The following CLSTN2 variants were observed in gnomAD, a reference collection of about 807,000 sequenced individuals.
The protein encoded by CLSTN2 is calsyntenin 2.
CLSTN2 carries 48 observed loss-of-function variants against 101.2 expected under a neutral mutation model. That is an observed-to-expected ratio of 0.47 (90% CI 0.38 to 0.60). The LOEUF (loss-of-function observed/expected upper bound fraction) is 0.60. Ranked by LOEUF, CLSTN2 falls within the 20% of genes least tolerant of loss-of-function variation. The pLI, the probability that CLSTN2 is intolerant of heterozygous loss-of-function variation, is 0.00. For missense variants in CLSTN2, 1,160 were observed against 1,238.2 expected (o/e 0.94, Z 0.95); for synonymous variants, 481 against 463.6 (o/e 1.04, Z -0.48).
intron 8 of CLSTN2, among the ~76,000 whole-genome samples, chr3:140,503,793 G>A (rs528672601): frequency 9.2e-5 from 14 of 152,152 alleles, no homozygotes; most frequent in Non-Finnish European, 2.1e-4. Context: ...TTCTTGATTC[G>A]GCTATAGCCC....
intron 10 of CLSTN2, among the ~76,000 whole-genome samples, chr3:140,551,717 C>T (rs1487382278): frequency 6.6e-6 from 1 of 151,794 alleles, no homozygotes; most frequent in Non-Finnish European, 1.5e-5. Flanking sequence ...ATCCTTTAAG[C>T]CCGAATCTCT....
At chr3:140,375,067 A>T (rs2087901897) in intron 2 of CLSTN2, among the ~76,000 whole-genome samples, 1 of 152,196 alleles carries the variant, frequency 6.6e-6, no homozygotes, top group Non-Finnish European at 1.5e-5. Flanking sequence ...AATGATATGT[A>T]TGGATGGACA....
At chr3:140,188,567 C>G (rs2010514286) in intron 2 of CLSTN2, among the ~76,000 whole-genome samples, 1 of 152,080 alleles carries the variant, frequency 6.6e-6, no homozygotes, top group Non-Finnish European at 1.5e-5. Flanking sequence ...CTTAAGGTAG[C>G]CCAGTGAAGG....
chr3:140,413,527 G>C (rs1423714185), intron 4 of CLSTN2, among the ~76,000 whole-genome samples: 1 of 151,986 alleles, frequency 6.6e-6, no homozygotes, highest in Non-Finnish European at 1.5e-5. Context: ...GAAGAGGAGG[G>C]AACACTTTCA....
At position 140,031,887 on chromosome 3, in the gene CLSTN2, T is replaced by C. The variant is rs73867278; in HGVS notation, c.109+96404T>C. Among the ~76,000 whole-genome samples the C allele has an allele frequency of 2.4e-3, 370 of 152,300 alleles. 3 individuals carry two copies. Among genetic ancestry groups the C allele is most frequent in the African/African-American group, 8.6e-3 (359 of 41,566 alleles). ...CCAGTGTCCTTCAGCCACTGCACAA[T>C]TGATGGTGTGATCTTGGGGAAGTCA... On this transcript the variant is annotated intron_variant, in intron 1 of 16. Transcript: ENST00000458420.
At chr3:140,015,589 A>T (rs1260585139) in intron 1 of CLSTN2, among the ~76,000 whole-genome samples, 1 of 152,234 alleles carries the variant, frequency 6.6e-6, no homozygotes, top group African/African-American at 2.4e-5. Context: ...TGAGAAACAG[A>T]AGAATGGGAT....
At chr3:140,443,864 A>G (rs1933018829) in intron 5 of CLSTN2, among the ~76,000 whole-genome samples, 2 of 152,212 alleles carry the variant, frequency 1.3e-5, no homozygotes, top group African/African-American at 4.8e-5. Flanking sequence ...AATGGAGGCT[A>G]TAAGATGACA....
At chr3:140,089,825 T>C (rs992483355) in intron 1 of CLSTN2, among the ~76,000 whole-genome samples, 5 of 151,704 alleles carry the variant, frequency 3.3e-5, no homozygotes, top group Non-Finnish European at 7.4e-5. Flanking sequence ...TTGCCCAGGC[T>C]AGTCTCAAAC....
chr3:140,014,607 G>A (rs2007157858), intron 1 of CLSTN2, among the ~76,000 whole-genome samples: 1 of 152,162 alleles, frequency 6.6e-6, no homozygotes, highest in Non-Finnish European at 1.5e-5. Context: ...GGCCAAGGGT[G>A]TGAGGGAAGG....
At chr3:140,100,305 C>A (rs937217997) in intron 1 of CLSTN2, among the ~76,000 whole-genome samples, 6 of 152,094 alleles carry the variant, frequency 3.9e-5, no homozygotes, top group African/African-American at 1.4e-4. Context: ...CTCCTTCTCC[C>A]TCCCCTCCAC....
At chr3:140,512,280 T>C (rs1246813096) in intron 8 of CLSTN2, among the ~76,000 whole-genome samples, 1 of 152,226 alleles carries the variant, frequency 6.6e-6, no homozygotes, top group Non-Finnish European at 1.5e-5. Context: ...GAGTTTTATA[T>C]TTAAGTCTTT....
chr3:140,130,971 C>G (rs1331905949), intron 1 of CLSTN2, among the ~76,000 whole-genome samples: 1 of 152,018 alleles, frequency 6.6e-6, no homozygotes, highest in Admixed American at 6.6e-5. Flanking sequence ...GAGTTTCTCC[C>G]CCTGGACCCC....
chr3:140,528,078 A>C (rs541227392), intron 8 of CLSTN2, among the ~76,000 whole-genome samples: 1 of 152,294 alleles, frequency 6.6e-6, no homozygotes, highest in South Asian at 2.1e-4. Context: ...AGTTGAAATT[A>C]TCTTGAAAAA....
chr3:140,243,590 C>G (rs903566870), intron 2 of CLSTN2, among the ~76,000 whole-genome samples: 6 of 152,186 alleles, frequency 3.9e-5, no homozygotes, highest in Non-Finnish European at 8.8e-5. Context: ...GAAAGTGCCA[C>G]ACTTGGGCTT....
intron 1 of CLSTN2, among the ~76,000 whole-genome samples, chr3:140,002,058 A>G (rs1358346417): frequency 6.6e-6 from 1 of 152,128 alleles, no homozygotes; most frequent in East Asian, 1.9e-4. Context: ...AATTTTGGCT[A>G]TTGCAAACAG....
chr3:140,244,450 G>A (rs571958251), intron 2 of CLSTN2, among the ~76,000 whole-genome samples: 46 of 152,244 alleles, frequency 3.0e-4, no homozygotes, highest in African/African-American at 1.1e-3. Flanking sequence ...AGGTGGCTAC[G>A]ATGTTTGTGG....
intron 1 of CLSTN2, among the ~76,000 whole-genome samples, chr3:140,128,373 T>G (rs569726411): frequency 6.6e-6 from 1 of 152,198 alleles, no homozygotes; most frequent in South Asian, 2.1e-4. Context: ...TGGTTTCTGC[T>G]CTCAAAGATG....
At chr3:140,523,207 A>T (rs1398516353) in intron 8 of CLSTN2, among the ~76,000 whole-genome samples, 1 of 152,126 alleles carries the variant, frequency 6.6e-6, no homozygotes, top group Non-Finnish European at 1.5e-5. Flanking sequence ...TACTCCCTGC[A>T]TCCCTCGGGC....
At chr3:140,286,739 C>T (rs1354285888) in intron 2 of CLSTN2, among the ~76,000 whole-genome samples, 1 of 152,192 alleles carries the variant, frequency 6.6e-6, no homozygotes, top group Non-Finnish European at 1.5e-5. Context: ...TGCTCCACTT[C>T]ACATGCTGTG....
Sources: allele counts gnomAD v4.1 joint callset (sites outside exome capture counted in the v4.1 genomes callset), GRCh38; gene constraint gnomAD v4.1.1; transcripts MANE v1.5; gene names NCBI Gene and HGNC (gene_info 2026-07-23, HGNC 2026-07-21).